The following TLE3 variants were observed in gnomAD, a reference collection of about 807,000 sequenced individuals.
TLE3 encodes TLE family member 3, transcriptional corepressor, also known as transducin-like enhancer protein 3.
Under a neutral mutation model 93.0 loss-of-function variants are expected in TLE3, and 14 were observed. The observed-to-expected ratio is 0.15, with a 90% CI of 0.10 to 0.24. The LOEUF (loss-of-function observed/expected upper bound fraction) is 0.24, where lower values mean the gene tolerates loss of function less well. Among genes scored for constraint, TLE3 ranks in the 10% least tolerant of loss-of-function variants. The pLI is 1.00. For missense variants in TLE3, 693 were observed against 1,046.6 expected, an observed-to-expected ratio of 0.66 and a Z score of 4.66; for synonymous variants, 451 against 425.0, an observed-to-expected ratio of 1.06 and a Z score of -0.75.
intron 1 of TLE3, 125 bp downstream of exon 1, chr15:70,096,650 T>C (rs1319933355): frequency 1.0e-5 from 16 of 1,551,148 alleles, no homozygotes; most frequent in Non-Finnish European, 1.3e-5. Flanking sequence ...CCCCTTTGTG[T>C]GAGAGCACAC....
chr15:70,088,972 C>A (rs375682133), intron 4 of TLE3, among the ~76,000 whole-genome samples: 1 of 150,144 alleles, frequency 6.7e-6, no homozygotes, highest in Non-Finnish European at 1.5e-5. Context: ...GGGTGGGGAG[C>A]CGCGACTGCA....
intron 3 of TLE3, chr15:70,095,363 T>C: frequency 7.0e-7 from 1 of 1,437,366 alleles, no homozygotes; most frequent in Non-Finnish European, 9.1e-7. Context: ...AATCGGGGTT[T>C]CTCTTTCTGC....
chr15:70,074,532 C>T lies in TLE3; in HGVS notation c.372+1G>A, dbSNP rs1595941681. On this transcript the variant is annotated splice_donor_variant, in intron 6 of 19. Transcript: ENST00000451782. LOFTEE classifies it high-confidence loss of function. ...AGAGGCAGATTGGGGAGTCCACGTA[C>T]CCCGATGATGGCGTTCAGCTCCGTC... The T allele has an allele frequency of 6.2e-7, 1 of 1,611,742 alleles. No homozygotes were observed. Among genetic ancestry groups the T allele is most frequent in the Non-Finnish European group, 8.5e-7 (1 of 1,178,946 alleles).
chr15:70,093,604 G>A (rs769443317), intron 4 of TLE3, among the ~76,000 whole-genome samples: 23 of 152,200 alleles, frequency 1.5e-4, no homozygotes, highest in East Asian at 3.8e-4. Flanking sequence ...AACTCTAAAC[G>A]TTGGCCAAGC....
chr15:70,093,783 C>T (rs1376228484), intron 4 of TLE3, among the ~76,000 whole-genome samples: 1 of 152,220 alleles, frequency 6.6e-6, no homozygotes, highest in East Asian at 1.9e-4. Flanking sequence ...AGGTAGTTTA[C>T]ATATCCATCA....
At chr15:70,050,314 A>AT (rs1300976295) in intron 19 of TLE3, 110 bp from the exon 20 acceptor site, 1 of 838,406 alleles carries the variant, frequency 1.2e-6, no homozygotes, top group East Asian at 2.5e-5. Context: ...CTCGGCAACA[A>AT]TTGCCCTCCT....
rs1168074278 is a variant in TLE3, at chr15:70,097,360, G to T, written c.-562C>A. On this transcript the variant is annotated 5_prime_UTR_variant, in exon 1 of 20. The change creates a new upstream start codon in the 5' untranslated region. Transcript: ENST00000451782. ...TACGAGGTGGTGGCTTGGGGCCGCA[G>T]GAGCGCCGGAGGGTGAGGGCGGGAG... 3 of 404,966 alleles carry T rather than the reference G, an allele frequency of 7.4e-6. No individual in the cohort carries two copies. Among genetic ancestry groups the T allele is most frequent in the Non-Finnish European group, 1.3e-5 (3 of 230,234 alleles). The allele number at this position is 404,966 out of a possible 1,614,324, so 25.1% of individuals were successfully genotyped here. A position where few individuals can be genotyped will look rare whatever the true frequency, so the allele number is the denominator to read the frequency against.
At chr15:70,066,895 C>A in intron 6 of TLE3, 2 of 381,374 alleles carry the variant, frequency 5.2e-6, no homozygotes, top group South Asian at 1.9e-5. Context: ...AGCTGTGTGG[C>A]CTGGGGCAGG....
chr15:70,053,567 A>C, intron 16 of TLE3, 193 bp from the exon 17 acceptor site: 1 of 553,374 alleles, frequency 1.8e-6, no homozygotes, highest in Admixed American at 3.7e-5. Flanking sequence ...TTCCAGTTCC[A>C]CGGAAGGGTT....
chr15:70,058,421 C>T lies in TLE3; in HGVS notation c.919-130G>A. Reference sequence around the variant, plus strand: ...TTATGAAGCTTCTGCCGAACAGCCTCTCAATCCTTGCCCAACCTTGTTTGG... The same window carrying T: ...TTATGAAGCTTCTGCCGAACAGCCTTTCAATCCTTGCCCAACCTTGTTTGG... On this transcript the variant is annotated intron_variant, in intron 11 of 19. Coordinates refer to ENST00000451782, the MANE Select transcript of TLE3 (RefSeq NM_001105192.3). The surrounding 1 kb of genome is among the most constrained non-coding windows in gnomAD (Gnocchi z 4.1). The T allele has an allele frequency of 6.9e-7, 1 of 1,454,842 alleles. No homozygotes were observed. The allele number at this position is 1,454,842 out of a possible 1,614,324, so 90.1% of individuals were successfully genotyped here.
At chr15:70,072,949 C>T (rs993335295) in intron 6 of TLE3, among the ~76,000 whole-genome samples, 2 of 152,194 alleles carry the variant, frequency 1.3e-5, no homozygotes, top group African/African-American at 2.4e-5. Context: ...CTGAACACTT[C>T]TTCACGTTCC....
At chr15:70,093,722 T>C (rs2058412459) in intron 4 of TLE3, among the ~76,000 whole-genome samples, 1 of 152,166 alleles carries the variant, frequency 6.6e-6, no homozygotes, top group Admixed American at 6.5e-5. Context: ...ATAAAGGGTG[T>C]TTGTATTTGC....
rs1329382169 is a variant in TLE3, at chr15:70,096,017, G to T, written c.125+144C>A. ...GTAAAGGGTTAAGGCGGCGCGCTCG[G>T]AAAGGGGAAACAAAAGGCGGAGGCC... On this transcript the variant is annotated intron_variant, in intron 2 of 19. Transcript: ENST00000451782. 4.9e-6 allele frequency: 5 copies of T among 1,012,646 alleles called. No homozygotes were observed. The East Asian group carries it at 1.1e-4, about 21-fold the overall frequency. 62.7% of individuals were successfully genotyped at this position (1,012,646 alleles called of 1,614,324 possible). A position where few individuals can be genotyped will look rare whatever the true frequency, so the allele number is the denominator to read the frequency against.
rs760976207 is a variant in TLE3, at chr15:70,058,187, C to T, written c.1023G>A (p.Pro341=). ...TSTTPGLRSM[P]GKPPGMDPIA... is the part of the protein sequence containing the mutation. ...TCGGGTCCATGCCCGGAGGTTTACCCGGCATCGACCTGAGCCCTGGGGTCG... is the reference window on the plus strand; with the variant it reads ...TCGGGTCCATGCCCGGAGGTTTACCTGGCATCGACCTGAGCCCTGGGGTCG... The change falls in exon 12 of 20, where the codon CCG becomes CCA. Residue 341 remains proline (P), a synonymous_variant. Transcript: ENST00000451782. The surrounding 1 kb of genome is among the most constrained non-coding windows in gnomAD (Gnocchi z 4.1). 10 of 1,613,882 alleles carry T rather than the reference C, an allele frequency of 6.2e-6. No individual in the cohort carries two copies. Among genetic ancestry groups the T allele is most frequent in the Middle Eastern group, 1.6e-4 (1 of 6,084 alleles).
intron 6 of TLE3, among the ~76,000 whole-genome samples, chr15:70,070,852 G>A (rs778980343): frequency 1.3e-4 from 20 of 152,144 alleles, no homozygotes; most frequent in Non-Finnish European, 2.4e-4. Context: ...ATCCTGGAGT[G>A]AATACCTTAG....
chr15:70,057,336 A>T (rs2056134642), intron 13 of TLE3, 123 bp downstream of exon 13: 2 of 1,151,520 alleles, frequency 1.7e-6, no homozygotes, highest in Admixed American at 2.8e-5. Context: ...ACCTTCCCAC[A>T]GGGGCAGCTG....
chr15:70,072,804 C>T (rs2057252319), intron 6 of TLE3, among the ~76,000 whole-genome samples: 1 of 152,220 alleles, frequency 6.6e-6, no homozygotes, highest in African/African-American at 2.4e-5. Context: ...CCACAATGCA[C>T]AGGATGGCAA....
chr15:70,056,236 G>T, intron 14 of TLE3, 62 bp downstream of exon 14: 2 of 1,535,024 alleles, frequency 1.3e-6, no homozygotes, highest in Non-Finnish European at 9.0e-7. Flanking sequence ...GTTGGAATTG[G>T]GGGTAGAGTG....
intron 4 of TLE3, among the ~76,000 whole-genome samples, chr15:70,076,973 C>T (rs1345527819): frequency 1.3e-5 from 2 of 152,196 alleles, no homozygotes; most frequent in Non-Finnish European, 2.9e-5. Flanking sequence ...CCACCTTGGC[C>T]TCCCAAAGGG....
Sources: gnomAD v4.1 joint callset for allele counts (sites outside exome capture counted in the v4.1 genomes callset) on GRCh38, gnomAD v4.1.1 for gene constraint, Gnocchi (gnomAD v3.1) non-coding constraint, MANE v1.5 for transcripts, NCBI Gene and HGNC (gene_info 2026-07-23, HGNC 2026-07-21) for gene names.